Variants in IL1RAPL2 observed in about 807,000 individuals in gnomAD.
IL1RAPL2 encodes X-linked interleukin-1 receptor accessory protein-like 2.
A neutral mutation model predicts 44.1 loss-of-function variants in IL1RAPL2; 3 were observed. The ratio of observed to expected loss-of-function variants is 0.07; its 90% CI spans 0.03 to 0.18. IL1RAPL2 has a LOEUF of 0.18. IL1RAPL2 is among the 10% of genes least tolerant of loss of function. The pLI is 1.00. For synonymous variants in IL1RAPL2, 181 were observed against 178.8 expected (o/e 1.01, Z -0.10); for missense variants, 391 against 496.4 (o/e 0.79, Z 2.02).
chrX:104,729,059 A>T (rs1480869004), intron 2 of IL1RAPL2, among the ~76,000 whole-genome samples: 2 of 111,334 alleles, frequency 1.8e-5, no homozygotes, highest in African/African-American at 6.5e-5. Flanking sequence ...AAAATTATTT[A>T]AATAGAATCT....
intron 6 of IL1RAPL2, among the ~76,000 whole-genome samples, chrX:105,601,630 T>C (rs1025718076): frequency 9.9e-5 from 11 of 111,447 alleles, no homozygotes; most frequent in Non-Finnish European, 1.9e-4. Flanking sequence ...TATAGGCAGC[T>C]GCCTTAAGTC....
At chrX:104,836,079 A>G (rs1458530688) in intron 2 of IL1RAPL2, among the ~76,000 whole-genome samples, 1 of 112,385 alleles carries the variant, frequency 8.9e-6, no homozygotes, top group South Asian at 3.7e-4. Context: ...CTATTCAGCC[A>G]TAAAAATAAA....
chrX:105,377,398 G>A (rs5916901), intron 5 of IL1RAPL2, among the ~76,000 whole-genome samples: 6 of 107,956 alleles, frequency 5.6e-5, no homozygotes, highest in African/African-American at 1.4e-4. Context: ...GTGTGTGTAT[G>A]TGTGTGTGTG....
intron 2 of IL1RAPL2, among the ~76,000 whole-genome samples, chrX:104,881,683 G>A (rs1174072991): frequency 8.9e-6 from 1 of 111,795 alleles, no homozygotes; most frequent in African/African-American, 3.2e-5. Flanking sequence ...AACTCTAAGA[G>A]GCTGAAACCA....
At chrX:105,155,859 A>C (rs1246469696) in intron 2 of IL1RAPL2, among the ~76,000 whole-genome samples, 1 of 111,152 alleles carries the variant, frequency 9.0e-6, no homozygotes, top group East Asian at 2.9e-4. Context: ...TGACCAGGAG[A>C]ATATGTATCA....
At chrX:105,206,439 G>GCT (rs2033764560) in intron 3 of IL1RAPL2, among the ~76,000 whole-genome samples, 1 of 111,603 alleles carries the variant, frequency 9.0e-6, no homozygotes, top group African/African-American at 3.3e-5. Context: ...TGACTCCAGA[G>GCT]CTCATACACA....
chrX:105,581,258 C>G (rs1469192520), intron 6 of IL1RAPL2, among the ~76,000 whole-genome samples: 1 of 111,089 alleles, frequency 9.0e-6, no homozygotes, highest in Non-Finnish European at 1.9e-5. Flanking sequence ...TATGTATATG[C>G]TAATTATAAA....
intron 4 of IL1RAPL2, among the ~76,000 whole-genome samples, chrX:105,249,276 T>A (rs2034249094): frequency 1.8e-5 from 2 of 110,981 alleles, no homozygotes; most frequent in Admixed American, 9.6e-5. Flanking sequence ...CACTTATTTG[T>A]GGGATCTAAA....
intron 5 of IL1RAPL2, among the ~76,000 whole-genome samples, chrX:105,351,832 G>A (rs1413076651): frequency 8.9e-6 from 1 of 111,986 alleles, no homozygotes; most frequent in Non-Finnish European, 1.9e-5. Context: ...ATTTTATATA[G>A]TGACAGCATT....
intron 6 of IL1RAPL2, among the ~76,000 whole-genome samples, chrX:105,557,287 A>G (rs1432462007): frequency 9.0e-6 from 1 of 111,622 alleles, no homozygotes; most frequent in Non-Finnish European, 1.9e-5. Flanking sequence ...AGTCTATTAA[A>G]TGAAATAAAG....
intron 6 of IL1RAPL2, among the ~76,000 whole-genome samples, chrX:105,675,771 T>C (rs753901841): frequency 3.8e-4 from 42 of 111,637 alleles, no homozygotes; most frequent in African/African-American, 1.3e-3. Context: ...TAGAATTCAG[T>C]TGTAAATCCA....
intron 2 of IL1RAPL2, among the ~76,000 whole-genome samples, chrX:104,937,000 G>T (rs1372118245): frequency 8.9e-6 from 1 of 111,818 alleles, no homozygotes; most frequent in Non-Finnish European, 1.9e-5. Context: ...ACTGGGCTCT[G>T]CCTCCAGTGA....
chrX:105,132,745 G>C (rs955474815), intron 2 of IL1RAPL2, among the ~76,000 whole-genome samples: 1 of 111,680 alleles, frequency 9.0e-6, no homozygotes, highest in Non-Finnish European at 1.9e-5. Flanking sequence ...TACCAGAAGA[G>C]ATTATGTTGT....
intron 1 of IL1RAPL2, among the ~76,000 whole-genome samples, chrX:104,604,470 T>C (rs773670323): frequency 1.4e-4 from 15 of 110,323 alleles, no homozygotes; most frequent in Admixed American, 7.8e-4. Context: ...TTACCATAAA[T>C]GTAAATGGGC....
At chrX:105,129,594 C>G (rs1417931587) in intron 2 of IL1RAPL2, among the ~76,000 whole-genome samples, 4 of 110,629 alleles carry the variant, frequency 3.6e-5, no homozygotes, top group Non-Finnish European at 7.6e-5. Flanking sequence ...GGGGTCATTC[C>G]TAATCTCAGG....
intron 5 of IL1RAPL2, among the ~76,000 whole-genome samples, chrX:105,341,824 C>T (rs1303470674): frequency 6.3e-5 from 7 of 110,357 alleles, no homozygotes; most frequent in Non-Finnish European, 1.3e-4. Context: ...CCAGCTACTC[C>T]GGAGGCTGAC....
intron 2 of IL1RAPL2, among the ~76,000 whole-genome samples, chrX:104,690,425 C>T (rs751011673): frequency 8.9e-6 from 1 of 112,226 alleles, no homozygotes; most frequent in Non-Finnish European, 1.9e-5. Context: ...GATGGCATGA[C>T]TATACTTCAA....
chrX:104,895,173 A>AT (rs1346247481), intron 2 of IL1RAPL2, among the ~76,000 whole-genome samples: 1 of 80 alleles, frequency 0.013, no homozygotes, highest in Non-Finnish European at 0.022. Flanking sequence ...GTACCTGGCC[A>AT]TGGAGGTATC....
chrX:105,591,305 C>A (rs780732429), intron 6 of IL1RAPL2, among the ~76,000 whole-genome samples: 2 of 109,039 alleles, frequency 1.8e-5, no homozygotes, highest in Non-Finnish European at 3.8e-5. Flanking sequence ...GATGTTCTCT[C>A]TTTTTTTCTT....
Sources: gnomAD v4.1 joint callset for allele counts (sites outside exome capture counted in the v4.1 genomes callset) on GRCh38, gnomAD v4.1.1 for gene constraint, MANE v1.5 for transcripts, NCBI Gene and HGNC (gene_info 2026-07-23, HGNC 2026-07-21) for gene names.